Variants in MAP4K5 observed in about 807,000 individuals in gnomAD.
MAP4K5 encodes the protein MAPK/ERK kinase kinase kinase 5.
MAP4K5 carries 82 observed loss-of-function variants against 135.6 expected under a neutral mutation model. That is an observed-to-expected ratio of 0.60 (90% CI 0.51 to 0.73). The LOEUF (loss-of-function observed/expected upper bound fraction) is 0.73, where lower values mean the gene tolerates loss of function less well. MAP4K5 is among the 30% of genes least tolerant of loss of function. The pLI, the probability that MAP4K5 is intolerant of heterozygous loss-of-function variation, is 0.00. For synonymous variants in MAP4K5, 347 were observed against 335.0 expected, an observed-to-expected ratio of 1.04 and a Z score of -0.39; for missense variants, 907 against 1,010.9, an observed-to-expected ratio of 0.90 and a Z score of 1.39.
chr14:50,482,139 G>A (rs1354413172), intron 6 of MAP4K5, among the ~76,000 whole-genome samples: 1 of 151,982 alleles, frequency 6.6e-6, no homozygotes, highest in Non-Finnish European at 1.5e-5. Context: ...TGTATATGTC[G>A]GCATCAGCTT....
At chr14:50,431,354 A>G (rs2035964819) in intron 28 of MAP4K5, among the ~76,000 whole-genome samples, 1 of 152,102 alleles carries the variant, frequency 6.6e-6, no homozygotes, top group African/African-American at 2.4e-5. Context: ...TGCACCCACT[A>G]ACTCGTCATC....
intron 6 of MAP4K5, 67 bp downstream of exon 6, chr14:50,482,294 T>C: frequency 1.1e-6 from 1 of 947,224 alleles, no homozygotes; most frequent in African/African-American, 1.7e-5. Flanking sequence ...GGCAATTGCC[T>C]TTCTAACTAC....
intron 3 of MAP4K5, among the ~76,000 whole-genome samples, chr14:50,490,811 A>G: frequency 6.6e-6 from 1 of 152,212 alleles, no homozygotes; most frequent in East Asian, 1.9e-4. Context: ...TTCTGCTACC[A>G]TCAGTGCATC....
intron 1 of MAP4K5, among the ~76,000 whole-genome samples, chr14:50,543,805 T>C (rs566869824): frequency 6.6e-6 from 1 of 152,344 alleles, no homozygotes; most frequent in South Asian, 2.1e-4. Flanking sequence ...GAAAGTTTTT[T>C]TCTCTACAAC....
intron 2 of MAP4K5, among the ~76,000 whole-genome samples, chr14:50,507,009 C>T (rs1474618563): frequency 6.6e-6 from 1 of 152,072 alleles, no homozygotes; most frequent in African/African-American, 2.4e-5. Context: ...AATTCACATG[C>T]CAGTGAGACT....
At chr14:50,488,469 T>G (rs2037415817) in intron 3 of MAP4K5, among the ~76,000 whole-genome samples, 1 of 152,246 alleles carries the variant, frequency 6.6e-6, no homozygotes, top group Non-Finnish European at 1.5e-5. Flanking sequence ...GCTGAGAAAT[T>G]CTTCAGTTAA....
At chr14:50,444,430 T>C (rs2036297005) in intron 18 of MAP4K5, among the ~76,000 whole-genome samples, 1 of 152,126 alleles carries the variant, frequency 6.6e-6, no homozygotes, top group African/African-American at 2.4e-5. Context: ...ATCTACCTAC[T>C]GAAGGCTCAC....
chr14:50,509,673 TAA>T lies in MAP4K5; in HGVS notation c.109-4818_109-4817del, dbSNP rs58110395. On this transcript the variant is annotated intron_variant, in intron 2 of 32. Coordinates refer to ENST00000682126, the MANE Select transcript of MAP4K5 (RefSeq NM_006575.6). ...TAAAATCCATCTAAAGAACTGGAAT[TAA>T]AAAAAAAAAAACAGATTCAATGAAC... Among the ~76,000 whole-genome samples, 6 of 144,670 alleles carry T rather than the reference TAA, an allele frequency of 4.1e-5. 1 individual carries two copies. Among genetic ancestry groups the T allele is most frequent in the East Asian group, 4.0e-4 (2 of 4,974 alleles). 94.9% of individuals were successfully genotyped at this position (144,670 alleles called of 152,430 possible).
chr14:50,454,852 A>T (rs938629166), intron 14 of MAP4K5, among the ~76,000 whole-genome samples: 2 of 152,038 alleles, frequency 1.3e-5, no homozygotes, highest in South Asian at 2.1e-4. Context: ...GGAAGAAGGC[A>T]CAATAGCCAA....
chr14:50,445,660 C>T (rs2139725313), intron 17 of MAP4K5, among the ~76,000 whole-genome samples: 1 of 152,306 alleles, frequency 6.6e-6, no homozygotes, highest in South Asian at 2.1e-4. Flanking sequence ...ACCTCCACCT[C>T]CTGGGTTCAA....
chr14:50,452,074 A>G (rs935763887), intron 14 of MAP4K5, among the ~76,000 whole-genome samples: 2 of 152,214 alleles, frequency 1.3e-5, no homozygotes, highest in Non-Finnish European at 2.9e-5. Flanking sequence ...CGCAGCTCCC[A>G]GTCAGCTACC....
chr14:50,471,329 T>C (rs1183143639), intron 9 of MAP4K5, among the ~76,000 whole-genome samples: 1 of 152,060 alleles, frequency 6.6e-6, no homozygotes, highest in East Asian at 1.9e-4. Context: ...ATTTTTTAGG[T>C]TAGTCAAGTG....
intron 13 of MAP4K5, among the ~76,000 whole-genome samples, chr14:50,458,782 C>T (rs972936818): frequency 9.2e-5 from 14 of 152,100 alleles, no homozygotes; most frequent in African/African-American, 3.4e-4. Context: ...TAATCACTCT[C>T]AAATTTATAT....
At chr14:50,538,361 A>C (rs1034458152) in intron 2 of MAP4K5, among the ~76,000 whole-genome samples, 31 of 152,186 alleles carry the variant, frequency 2.0e-4, no homozygotes, top group Non-Finnish European at 3.8e-4. Context: ...CGTCTTTATC[A>C]GCAGTGTGAA....
chr14:50,466,987 T>A (rs1235858970), intron 10 of MAP4K5, among the ~76,000 whole-genome samples: 1 of 152,178 alleles, frequency 6.6e-6, no homozygotes, highest in Non-Finnish European at 1.5e-5. Flanking sequence ...TACATAGAGA[T>A]GACATGTTAC....
Position 50,427,140 on chromosome 14 carries a change from C to T in MAP4K5, c.2327-1163G>A, listed in dbSNP as rs115949770. ...CTGTAATTATTCCAAGGTTTACTGGCAAGAAAAGATGGTAGCCTAGGAGGA... is the reference window on the plus strand; with the variant it reads ...CTGTAATTATTCCAAGGTTTACTGGTAAGAAAAGATGGTAGCCTAGGAGGA... On this transcript the variant is annotated intron_variant, in intron 30 of 32. Transcript: ENST00000682126. Among the ~76,000 whole-genome samples, 896 of 152,046 alleles carry T rather than the reference C, an allele frequency of 5.9e-3. 9 individuals carry two copies. Among genetic ancestry groups the T allele is most frequent in the African/African-American group, 0.02 (842 of 41,486 alleles).
chr14:50,480,778 G>A (rs866134877), intron 6 of MAP4K5, among the ~76,000 whole-genome samples: 1 of 151,980 alleles, frequency 6.6e-6, no homozygotes, highest in African/African-American at 2.4e-5. Context: ...AAACACCTAG[G>A]GTATATGTAT....
At chr14:50,520,019 G>A (rs769502568) in intron 2 of MAP4K5, among the ~76,000 whole-genome samples, 8 of 152,230 alleles carry the variant, frequency 5.3e-5, no homozygotes, top group East Asian at 1.9e-4. Context: ...AAGAAGGCAC[G>A]GGGCACCAAC....
Position 50,437,975 on chromosome 14 carries a change from A to G in MAP4K5, c.1742T>C (p.Ile581Thr), listed in dbSNP as rs750958650. ...KTFQLYSHNL[I>T]ALFEHAKKPG... Reference sequence around the variant, plus strand: ...TTTTTTGGCATGTTCAAACAAAGCTATAAGATTGTGAGAGTAGAGCTGAAA... The same window carrying G: ...TTTTTTGGCATGTTCAAACAAAGCTGTAAGATTGTGAGAGTAGAGCTGAAA... The change falls in exon 25 of 33, where the codon ATA (isoleucine) becomes ACA (threonine). Residue 581 changes from isoleucine (I) to threonine (T), a missense_variant. Around this residue, in one of 3 missense-constraint regions of MAP4K5, gnomAD observed 690 missense variants for 777.4 expected, o/e 0.89. Transcript: ENST00000682126. 30 of 1,611,620 alleles carry G rather than the reference A, an allele frequency of 1.9e-5. No individual in the cohort carries two copies. The highest frequency in any genetic ancestry group is 2.5e-5 in the Non-Finnish European group (29 of 1,178,160).
Sources: allele counts gnomAD v4.1 joint callset (sites outside exome capture counted in the v4.1 genomes callset), GRCh38; gene constraint gnomAD v4.1.1; regional missense constraint gnomAD v4.1.1; transcripts MANE v1.5; gene names NCBI Gene and HGNC (gene_info 2026-07-23, HGNC 2026-07-21).